COLGALT2: variants seen among roughly 807,000 people sequenced by gnomAD.
COLGALT2 encodes the protein collagen beta(1-O)galactosyltransferase 2.
In COLGALT2, 49 loss-of-function variants were observed where a neutral mutation model predicts 73.4. The ratio of observed to expected loss-of-function variants is 0.67; its 90% CI spans 0.53 to 0.85. The LOEUF (loss-of-function observed/expected upper bound fraction) is 0.85. Ranked by LOEUF, COLGALT2 falls within the 40% of genes least tolerant of loss-of-function variation. The pLI is 0.00. For synonymous variants in COLGALT2, 295 were observed against 307.6 expected, an observed-to-expected ratio of 0.96 and a Z score of 0.43; for missense variants, 722 against 790.2, an observed-to-expected ratio of 0.91 and a Z score of 1.03.
At chr1:183,939,824 G>A (rs528534717) in intron 11 of COLGALT2, among the ~76,000 whole-genome samples, 1 of 152,298 alleles carries the variant, frequency 6.6e-6, no homozygotes, top group East Asian at 1.9e-4. Context: ...CTCCATCAAT[G>A]AATTTAGGAA....
chr1:183,952,841 T>C (rs2102797387), intron 7 of COLGALT2, among the ~76,000 whole-genome samples: 1 of 152,350 alleles, frequency 6.6e-6, no homozygotes, highest in Non-Finnish European at 1.5e-5. Context: ...GCCTCATTAC[T>C]TGGGACTTTA....
chr1:183,956,216 A>G (rs894466062), intron 6 of COLGALT2, among the ~76,000 whole-genome samples: 1 of 152,188 alleles, frequency 6.6e-6, no homozygotes, highest in African/African-American at 2.4e-5. Context: ...ACTTCACTGA[A>G]ATATTATAGA....
At chr1:183,969,711 T>C (rs1670983462) in intron 4 of COLGALT2, among the ~76,000 whole-genome samples, 1 of 152,236 alleles carries the variant, frequency 6.6e-6, no homozygotes, top group Admixed American at 6.5e-5. Context: ...TATTTCAGCA[T>C]ATCTCTAGAT....
rs1649728871 is a variant in COLGALT2 at position 184,037,416 on chromosome 1, T to G, written c.-59A>C. 4.7e-6 allele frequency: 6 copies of G among 1,277,836 alleles called. No individual in the cohort carries two copies. The highest frequency in any genetic ancestry group is 3.0e-4 in the Middle Eastern group (1 of 3,336). The allele number at this position is 1,277,836 out of a possible 1,614,324, so 79.2% of individuals were successfully genotyped here. A position where few individuals can be genotyped will look rare whatever the true frequency, so the allele number is the denominator to read the frequency against. On this transcript the variant is annotated 5_prime_UTR_variant, in exon 1 of 12. Coordinates refer to ENST00000361927, the MANE Select transcript of COLGALT2 (RefSeq NM_015101.4). ...GGCGCGAGCGCCCGGCTGGGCTGCC[T>G]GAGGGCGGCGGCGGCTGCCGGGGAG...
chr1:183,945,828 T>G, intron 8 of COLGALT2: 1 of 486,536 alleles, frequency 2.1e-6, no homozygotes, highest in Non-Finnish European at 3.6e-6. Flanking sequence ...TTTGACAAGA[T>G]TTAATAAGTA....
At position 183,942,132 on chromosome 1, in the gene COLGALT2, T is replaced by C. The variant is rs182495567; in HGVS notation, c.1398-1345A>G. 2.6e-5 allele frequency among the ~76,000 whole-genome samples: 4 copies of C among 152,224 alleles called. No individual in the cohort carries two copies. In the East Asian group the frequency reaches 7.7e-4, roughly 29 times the overall value. ...CCCGGCTAATTTTTTGTATTTTTAC[T>C]AGAGACGTGGTTTCACCGTGTTAGC... is the stretch of plus-strand genomic sequence containing the variant. On this transcript the variant is annotated intron_variant, in intron 10 of 11. Coordinates refer to ENST00000361927, the MANE Select transcript of COLGALT2 (RefSeq NM_015101.4).
At chr1:183,971,717 AC>A (rs1671041783) in intron 4 of COLGALT2, among the ~76,000 whole-genome samples, 1 of 152,240 alleles carries the variant, frequency 6.6e-6, no homozygotes, top group Non-Finnish European at 1.5e-5. Flanking sequence ...CCAGTGGTGT[AC>A]TGGACCACAC....
chr1:183,942,634 C>G (rs1289426926), intron 10 of COLGALT2, among the ~76,000 whole-genome samples: 1 of 151,964 alleles, frequency 6.6e-6, no homozygotes, highest in African/African-American at 2.4e-5. Context: ...AGCTTATTAC[C>G]TTTCATGTTT....
At chr1:183,976,803 C>CA (rs1242803186) in intron 2 of COLGALT2, among the ~76,000 whole-genome samples, 7 of 152,032 alleles carry the variant, frequency 4.6e-5, no homozygotes, top group Non-Finnish European at 1.5e-5. Flanking sequence ...AAAAGGATGA[C>CA]ATAGAATATA....
At chr1:184,013,188 G>A (rs949945549) in intron 1 of COLGALT2, among the ~76,000 whole-genome samples, 4 of 152,142 alleles carry the variant, frequency 2.6e-5, no homozygotes, top group African/African-American at 9.7e-5. Context: ...GGTGGTGCAC[G>A]ACTGTAATCC....
chr1:184,031,123 A>G (rs2102862291), intron 1 of COLGALT2, among the ~76,000 whole-genome samples: 1 of 152,322 alleles, frequency 6.6e-6, no homozygotes, highest in Admixed American at 6.5e-5. Flanking sequence ...AATTTCTTCA[A>G]TCATTTGGAA....
chr1:183,988,405 A>G (rs759319909), intron 1 of COLGALT2, among the ~76,000 whole-genome samples: 4 of 152,204 alleles, frequency 2.6e-5, no homozygotes, highest in Non-Finnish European at 4.4e-5. Flanking sequence ...TATAAAATTC[A>G]GTGGTTTTTA....
At chr1:183,968,561 T>C (rs1420331421) in intron 5 of COLGALT2, among the ~76,000 whole-genome samples, 2 of 152,224 alleles carry the variant, frequency 1.3e-5, no homozygotes, top group African/African-American at 2.4e-5. Context: ...AGTGCATGCA[T>C]GCAGAGAATA....
intron 1 of COLGALT2, among the ~76,000 whole-genome samples, chr1:184,024,912 T>C (rs1649287688): frequency 1.3e-5 from 2 of 152,148 alleles, no homozygotes; most frequent in Admixed American, 6.5e-5. Context: ...ACAAGAAGAT[T>C]ATCAGTAGCA....
intron 1 of COLGALT2, among the ~76,000 whole-genome samples, chr1:183,987,272 C>A (rs886542471): frequency 1.3e-5 from 2 of 152,194 alleles, no homozygotes; most frequent in Non-Finnish European, 2.9e-5. Context: ...ACCTTTTTCA[C>A]CCACTCATCA....
intron 6 of COLGALT2, among the ~76,000 whole-genome samples, chr1:183,958,544 C>T (rs1204829452): frequency 1.3e-5 from 2 of 151,970 alleles, no homozygotes; most frequent in Non-Finnish European, 2.9e-5. Flanking sequence ...TCTCCAAAAT[C>T]TCTGTCTAGC....
At chr1:184,002,283 C>G (rs1377866891) in intron 1 of COLGALT2, among the ~76,000 whole-genome samples, 1 of 152,256 alleles carries the variant, frequency 6.6e-6, no homozygotes, top group Admixed American at 6.5e-5. Flanking sequence ...ACAGCTGCCC[C>G]TGGCTGGGAG....
At chr1:183,933,873 TTAAAAA>T (rs1669895935), downstream of COLGALT2, among the ~76,000 whole-genome samples, 2 of 152,270 alleles carry the variant, frequency 1.3e-5, no homozygotes, top group Admixed American at 6.5e-5. Flanking sequence ...ACTCCATAAA[TTAAAAA>T]TAAAGAGAAG....
At position 183,938,729 on chromosome 1, in the gene COLGALT2, G is replaced by A; in HGVS notation, c.*32C>T. The A allele has an allele frequency of 6.2e-7, 1 of 1,608,972 alleles. No individual in the cohort carries two copies. The highest frequency in any genetic ancestry group is 8.5e-7 in the Non-Finnish European group (1 of 1,176,964). ...CCCTTTAGAAAAACCAGAGGATGTT[G>A]AACTGATGTGGGCCACACTCCCAGG... On this transcript the variant is annotated 3_prime_UTR_variant, in exon 12 of 12. Transcript: ENST00000361927.
Sources: gnomAD v4.1 joint callset for allele counts (sites outside exome capture counted in the v4.1 genomes callset) on GRCh38, gnomAD v4.1.1 for gene constraint, MANE v1.5 for transcripts, NCBI Gene and HGNC (gene_info 2026-07-23, HGNC 2026-07-21) for gene names.